ZNF248: variants seen among roughly 807,000 people sequenced by gnomAD.
The protein encoded by ZNF248 is KRAB protein domain.
Under a neutral mutation model 44.3 loss-of-function variants are expected in ZNF248, and 20 were observed. That is an observed-to-expected ratio of 0.45 (90% CI 0.32 to 0.66). The LOEUF (loss-of-function observed/expected upper bound fraction) is 0.66, where lower values mean the gene tolerates loss of function less well. Among genes scored for constraint, ZNF248 ranks in the 30% least tolerant of loss-of-function variants. The probability of loss-of-function intolerance (pLI) is 0.04; values close to 1 mark genes in which losing one functional copy is unlikely to be tolerated. For synonymous variants in ZNF248, 224 were observed against 229.0 expected (o/e 0.98, Z 0.20); for missense variants, 654 against 677.0 (o/e 0.97, Z 0.38).
the ZNF248 span, among the ~76,000 whole-genome samples, chr10:37,764,961 C>CT: frequency 9.8e-4 from 143 of 145,434 alleles, 2 homozygotes; most frequent in East Asian, 0.019. Context: ...CTTTTTGAGC[C>CT]TTTTTTTTTT....
chr10:37,773,709 C>T (rs2046365520), downstream of ZNF248, among the ~76,000 whole-genome samples: 1 of 152,164 alleles, frequency 6.6e-6, no homozygotes, highest in Non-Finnish European at 1.5e-5. Flanking sequence ...ACACATCCCC[C>T]TGGTTGCATG....
At chr10:37,793,130 A>G (rs2048753545) in intron 6 of ZNF248, among the ~76,000 whole-genome samples, 1 of 152,022 alleles carries the variant, frequency 6.6e-6, no homozygotes, top group Admixed American at 6.6e-5. Context: ...TCAGGAGATC[A>G]AGACCGGTTT....
chr10:37,854,643 T>A lies in ZNF248; in HGVS notation c.15+1653A>T, dbSNP rs866152765. ...CCAATGGGAAAACAAAATAATACTA[T>A]CTCTAGGACAGGCATTCCCACTAAG... On this transcript the variant is annotated intron_variant, in intron 3 of 5. Coordinates refer to ENST00000395867, the MANE Select transcript of ZNF248 (RefSeq NM_021045.3). Among the ~76,000 whole-genome samples, 2 of 152,262 alleles carry A rather than the reference T, an allele frequency of 1.3e-5. 1 individual carries two copies. Among genetic ancestry groups the A allele is most frequent in the South Asian group, 4.1e-4 (2 of 4,824 alleles).
At chr10:37,804,101 C>CTTTTTTTTTTTTTTT (rs59261731) in intron 6 of ZNF248, among the ~76,000 whole-genome samples, 1 of 124,928 alleles carries the variant, frequency 8.0e-6, no homozygotes, top group African/African-American at 3.0e-5. Flanking sequence ...TTTTCTTTTT[C>CTTTTTTTTTTTTTTT]TTTTTTTTTT....
At chr10:37,854,875 T>G (rs1275053404) in intron 3 of ZNF248, among the ~76,000 whole-genome samples, 1 of 152,164 alleles carries the variant, frequency 6.6e-6, no homozygotes, top group East Asian at 1.9e-4. Context: ...TGCTGTTAAG[T>G]GAAAAAGGAA....
Position 37,830,638 on chromosome 10 carries a change from C to T in ZNF248, c.*977G>A, listed in dbSNP as rs985974518. 4.3e-5 allele frequency: 42 copies of T among 977,132 alleles called. 1 individual carries two copies. In the African/African-American group the frequency reaches 6.1e-4, roughly 14 times the overall value. 60.5% of individuals were successfully genotyped at this position (977,132 alleles called of 1,614,324 possible). On this transcript the variant is annotated 3_prime_UTR_variant, in exon 6 of 6. Transcript: ENST00000395867. ...GTGATGTGCTGTAAATATTTGACAG[C>T]AGGTTCTCTGAGAAAATTAAAACCC...
At chr10:37,807,687 CT>C (rs1412644149) in intron 6 of ZNF248, among the ~76,000 whole-genome samples, 2 of 152,020 alleles carry the variant, frequency 1.3e-5, no homozygotes, top group Non-Finnish European at 2.9e-5. Context: ...TCTGAATTTC[CT>C]TTTAGGATTT....
the ZNF248 span, among the ~76,000 whole-genome samples, chr10:37,765,443 C>A: frequency 2.0e-5 from 3 of 152,298 alleles, 1 homozygote; most frequent in South Asian, 6.2e-4. Context: ...AGATGTATTT[C>A]CAGGTGGTCC....
chr10:37,823,758 G>A (rs2053891282), intron 6 of ZNF248, among the ~76,000 whole-genome samples: 1 of 151,952 alleles, frequency 6.6e-6, no homozygotes, highest in African/African-American at 2.4e-5. Context: ...ATTTTTAGTA[G>A]AGAGAAGGTT....
chr10:37,820,406 G>A (rs1365531736), intron 6 of ZNF248: 5 of 1,517,848 alleles, frequency 3.3e-6, no homozygotes, highest in Non-Finnish European at 4.6e-6. Flanking sequence ...TGAGGCTGTT[G>A]GCAGAGCAGA....
At position 37,832,838 on chromosome 10, in the gene ZNF248, T is replaced by C. The variant is rs1467520967; in HGVS notation, c.517A>G (p.Lys173Glu). Residue 173 changes from lysine to glutamate, a missense_variant, in exon 6 of 6, where the codon AAA (lysine) becomes GAA (glutamate). Lys to Glu is a moderately conservative substitution (Grantham distance 56). Coordinates refer to ENST00000395867, the MANE Select transcript of ZNF248 (RefSeq NM_021045.3). ...KKPDEFNVCE[K>E]LLLDIRHEKI... ...TCATGCCTAATATCAAGGAGCAATT[T>C]CTCACATACATTAAACTCATCAGGC... 1 of 1,613,882 alleles carries C rather than the reference T, an allele frequency of 6.2e-7. No homozygotes were observed. The highest frequency in any genetic ancestry group is 8.5e-7 in the Non-Finnish European group (1 of 1,179,860).
chr10:37,782,003 G>A (rs2047374041), intron 6 of ZNF248, among the ~76,000 whole-genome samples: 1 of 152,172 alleles, frequency 6.6e-6, no homozygotes, highest in African/African-American at 2.4e-5. Context: ...TACACATAAT[G>A]AAAACATCAA....
chr10:37,850,740 G>C (rs1295372358), intron 3 of ZNF248, among the ~76,000 whole-genome samples: 1 of 152,010 alleles, frequency 6.6e-6, no homozygotes, highest in East Asian at 1.9e-4. Flanking sequence ...GGTGCTGCAA[G>C]CAATTGTACA....
intron 3 of ZNF248, among the ~76,000 whole-genome samples, chr10:37,845,795 T>C (rs1230603384): frequency 6.6e-6 from 1 of 152,112 alleles, no homozygotes; most frequent in Non-Finnish European, 1.5e-5. Context: ...GTACAATGAA[T>C]AGTTTGTATT....
chr10:37,809,904 T>C (rs1027842963), intron 6 of ZNF248, among the ~76,000 whole-genome samples: 2 of 152,362 alleles, frequency 1.3e-5, no homozygotes, highest in South Asian at 4.1e-4. Context: ...ATATACTTTG[T>C]ATAATATCTA....
Position 37,830,599 on chromosome 10 carries a change from T to C in ZNF248, c.*1016A>G, listed in dbSNP as rs149800409. On this transcript the variant is annotated 3_prime_UTR_variant, in exon 6 of 6. Coordinates refer to ENST00000395867, the MANE Select transcript of ZNF248 (RefSeq NM_021045.3). The stretch of plus-strand genomic sequence containing the variant: ...TGTGGTTTGTATTGCCAAATACGTT[T>C]TCATATATACACAGTGATGTGCTGT... 6.1e-5 allele frequency: 60 copies of C among 985,348 alleles called. No homozygotes were observed. The African/African-American group carries it at 7.3e-4, about 12-fold the overall frequency. The allele number at this position is 985,348 out of a possible 1,614,324, so 61.0% of individuals were successfully genotyped here. A position where few individuals can be genotyped will look rare whatever the true frequency, so the allele number is the denominator to read the frequency against.
chr10:37,805,187 G>A (rs571096099), intron 6 of ZNF248, among the ~76,000 whole-genome samples: 11 of 152,266 alleles, frequency 7.2e-5, no homozygotes, highest in African/African-American at 2.6e-4. Flanking sequence ...GGCACCCTGA[G>A]GATTTCTAGC....
At chr10:37,809,468 G>A (rs1194600904) in intron 6 of ZNF248, among the ~76,000 whole-genome samples, 2 of 152,038 alleles carry the variant, frequency 1.3e-5, no homozygotes, top group Admixed American at 6.6e-5. Flanking sequence ...AGTAGAGACA[G>A]GGTTTCACCA....
In ZNF248 at chr10:37,828,844, G is replaced by A; in HGVS notation, c.*2771C>T. ...CATACAATAAGAAACACCACAGGGA[G>A]GTATGAATAATGTAATTTAATATAA... On this transcript the variant is annotated 3_prime_UTR_variant, in exon 6 of 6. Transcript: ENST00000395867. 6.1e-6 allele frequency: 6 copies of A among 985,416 alleles called. No homozygotes were observed. The highest frequency in any genetic ancestry group is 7.2e-6 in the Non-Finnish European group (6 of 829,922). 61.0% of individuals were successfully genotyped at this position (985,416 alleles called of 1,614,324 possible).
Sources: allele counts gnomAD v4.1 joint callset (sites outside exome capture counted in the v4.1 genomes callset), GRCh38; gene constraint gnomAD v4.1.1; transcripts MANE v1.5; gene names NCBI Gene and HGNC (gene_info 2026-07-23, HGNC 2026-07-21).